Variants in RASAL2 observed in about 807,000 individuals in gnomAD.
RASAL2 encodes RAS protein activator like 2.
A neutral mutation model predicts 128.9 loss-of-function variants in RASAL2; 58 were observed. The observed-to-expected ratio is 0.45, with a 90% CI of 0.36 to 0.56. The LOEUF (loss-of-function observed/expected upper bound fraction) is 0.56, where lower values mean the gene tolerates loss of function less well. RASAL2 is among the 20% of genes least tolerant of loss of function. The pLI is 0.00. For synonymous variants in RASAL2, 561 were observed against 580.8 expected (o/e 0.97, Z 0.49); for missense variants, 1,360 against 1,601.6 (o/e 0.85, Z 2.57).
At chr1:178,382,307 CCTCT>C (rs1268223459) in intron 3 of RASAL2, among the ~76,000 whole-genome samples, 10 of 152,256 alleles carry the variant, frequency 6.6e-5, no homozygotes, top group South Asian at 4.1e-4. Flanking sequence ...TTTTGCCTCA[CCTCT>C]CTGTGTTTCT....
intron 4 of RASAL2, chr1:178,411,929 G>GAAGAT: frequency 1.5e-6 from 1 of 653,974 alleles, no homozygotes; most frequent in Non-Finnish European, 2.8e-6. Context: ...GCTTGAGTAT[G>GAAGAT]AAGATCAGGC....
intron 1 of RASAL2, among the ~76,000 whole-genome samples, chr1:178,184,203 C>A (rs887061425): frequency 6.6e-6 from 1 of 152,006 alleles, no homozygotes; most frequent in African/African-American, 2.4e-5. Context: ...GGATACAAGT[C>A]CTTTGTCAGA....
intron 1 of RASAL2, among the ~76,000 whole-genome samples, chr1:178,097,847 A>G (rs535010811): frequency 1.1e-4 from 17 of 152,196 alleles, no homozygotes; most frequent in Non-Finnish European, 2.2e-4. Flanking sequence ...GGTTGATAAT[A>G]CATATATATT....
At chr1:178,371,115 T>G (rs987708078) in intron 3 of RASAL2, among the ~76,000 whole-genome samples, 2 of 151,616 alleles carry the variant, frequency 1.3e-5, no homozygotes, top group African/African-American at 2.4e-5. Context: ...CTCTTCTGCT[T>G]GATTTTTCTC....
At chr1:178,261,685 G>T (rs548493310) in intron 1 of RASAL2, among the ~76,000 whole-genome samples, 1 of 152,150 alleles carries the variant, frequency 6.6e-6, no homozygotes, top group African/African-American at 2.4e-5. Flanking sequence ...CATTTTGGGA[G>T]GCTGGTGGAT....
intron 3 of RASAL2, among the ~76,000 whole-genome samples, chr1:178,326,930 G>T (rs1356722922): frequency 6.6e-6 from 1 of 152,108 alleles, no homozygotes; most frequent in East Asian, 1.9e-4. Context: ...CGTTTTAAGT[G>T]ATGATTCGTT....
intron 11 of RASAL2, among the ~76,000 whole-genome samples, chr1:178,454,197 A>T (rs1397428078): frequency 5.0e-5 from 4 of 79,726 alleles, no homozygotes; most frequent in African/African-American, 3.4e-4. Context: ...TCCCAGAACT[A>T]AAAAAAAAAA....
At chr1:178,294,708 A>G (rs1450690294) in intron 2 of RASAL2, among the ~76,000 whole-genome samples, 1 of 152,218 alleles carries the variant, frequency 6.6e-6, no homozygotes, top group Non-Finnish European at 1.5e-5. Flanking sequence ...GTTGGTCACC[A>G]TTGCCCAGGT....
chr1:178,436,302 TACAC>T (rs753339156), intron 5 of RASAL2, among the ~76,000 whole-genome samples: 1 of 152,056 alleles, frequency 6.6e-6, no homozygotes, highest in Non-Finnish European at 1.5e-5. Context: ...TTCAATTCAG[TACAC>T]ACACACATAA....
chr1:178,388,099 G>A (rs1339505084), intron 3 of RASAL2, among the ~76,000 whole-genome samples: 1 of 151,958 alleles, frequency 6.6e-6, no homozygotes, highest in East Asian at 1.9e-4. Flanking sequence ...ATACTATATT[G>A]TAATATTAAA....
At chr1:178,349,888 C>G (rs1259113460) in intron 3 of RASAL2, among the ~76,000 whole-genome samples, 1 of 152,090 alleles carries the variant, frequency 6.6e-6, no homozygotes, top group Admixed American at 6.5e-5. Flanking sequence ...TCCAATACAA[C>G]AAATGGAAGA....
chr1:178,266,057 G>C (rs910685307), intron 1 of RASAL2, among the ~76,000 whole-genome samples: 1 of 152,074 alleles, frequency 6.6e-6, no homozygotes, highest in Non-Finnish European at 1.5e-5. Context: ...AATAGTGCTG[G>C]CATGTATGTT....
chr1:178,141,879 A>G (rs1422397815), intron 1 of RASAL2, among the ~76,000 whole-genome samples: 1 of 152,092 alleles, frequency 6.6e-6, no homozygotes, highest in African/African-American at 2.4e-5. Context: ...ATATGGGTGT[A>G]GGTGGTGAAA....
intron 3 of RASAL2, among the ~76,000 whole-genome samples, chr1:178,320,680 G>A (rs1668724689): frequency 6.6e-6 from 1 of 152,136 alleles, no homozygotes; most frequent in Non-Finnish European, 1.5e-5. Flanking sequence ...CCACTGACCT[G>A]CGCCCACTGT....
chr1:178,246,625 G>A (rs1202717427), intron 1 of RASAL2, among the ~76,000 whole-genome samples: 2 of 152,092 alleles, frequency 1.3e-5, no homozygotes, highest in Non-Finnish European at 2.9e-5. Context: ...TGGTGAGAGA[G>A]GGCATCCTTG....
chr1:178,282,556 A>C (rs2102211966), intron 1 of RASAL2, among the ~76,000 whole-genome samples: 2 of 152,326 alleles, frequency 1.3e-5, no homozygotes, highest in African/African-American at 4.8e-5. Context: ...TACAGAAAGC[A>C]GTGATAATGA....
At chr1:178,352,794 C>T (rs77052707) in intron 3 of RASAL2, among the ~76,000 whole-genome samples, 25,165 of 152,248 alleles carry the variant, frequency 0.17, 2,641 homozygotes, top group East Asian at 0.31. Context: ...AGCCTCAGCT[C>T]TTGCACTCTG....
chr1:178,385,296 G>A (rs1672499960), intron 3 of RASAL2, among the ~76,000 whole-genome samples: 1 of 152,044 alleles, frequency 6.6e-6, no homozygotes, highest in Admixed American at 6.6e-5. Context: ...CTAGAAACAG[G>A]CATGGTGGCA....
chr1:178,214,220 G>T (rs911196691), intron 1 of RASAL2, among the ~76,000 whole-genome samples: 6 of 152,118 alleles, frequency 3.9e-5, no homozygotes, highest in Non-Finnish European at 7.3e-5. Flanking sequence ...TAGTGAACGA[G>T]CTATCATCCT....
Sources: allele counts gnomAD v4.1 joint callset (sites outside exome capture counted in the v4.1 genomes callset), GRCh38; gene constraint gnomAD v4.1.1; transcripts MANE v1.5; gene names NCBI Gene and HGNC (gene_info 2026-07-23, HGNC 2026-07-21).